Variants in PDILT observed in about 807,000 individuals in gnomAD.
The protein encoded by PDILT is protein disulfide isomerase like, testis expressed.
In PDILT, 43 loss-of-function variants were observed where a neutral mutation model predicts 53.7. That is an observed-to-expected ratio of 0.80 (90% CI 0.63 to 1.03). The LOEUF is 1.03. PDILT is among the 50% of genes least tolerant of loss of function. The pLI is 0.00. For synonymous variants in PDILT, 282 were observed against 274.2 expected, an observed-to-expected ratio of 1.03 and a Z score of -0.28; for missense variants, 727 against 712.3, an observed-to-expected ratio of 1.02 and a Z score of -0.24.
At chr16:20,371,805 A>G (rs1231554199) in intron 7 of PDILT, among the ~76,000 whole-genome samples, 1 of 152,202 alleles carries the variant, frequency 6.6e-6, no homozygotes, top group Non-Finnish European at 1.5e-5. Context: ...CAATTTAACT[A>G]TATCCAAAAA....
At chr16:20,383,399 T>C (rs1966487076) in intron 3 of PDILT, among the ~76,000 whole-genome samples, 1 of 152,146 alleles carries the variant, frequency 6.6e-6, no homozygotes, top group Admixed American at 6.5e-5. Flanking sequence ...CCCTGGTATC[T>C]ATAGGAAACA....
chr16:20,365,748 A>G (rs1966182093), intron 8 of PDILT, among the ~76,000 whole-genome samples: 1 of 152,186 alleles, frequency 6.6e-6, no homozygotes. Context: ...ACTGAGGAGC[A>G]GACAAAGCTT....
intron 1 of PDILT, among the ~76,000 whole-genome samples, chr16:20,400,299 T>A (rs981816493): frequency 7.2e-5 from 11 of 151,966 alleles, no homozygotes; most frequent in African/African-American, 2.7e-4. Flanking sequence ...GGTCTCGAAC[T>A]CCTGACCTCA....
chr16:20,379,151 C>T (rs1234386697), intron 3 of PDILT, among the ~76,000 whole-genome samples: 2 of 152,082 alleles, frequency 1.3e-5, no homozygotes, highest in Non-Finnish European at 2.9e-5. Flanking sequence ...GTAGCTGGGA[C>T]TACAGGCATG....
intron 5 of PDILT, among the ~76,000 whole-genome samples, chr16:20,374,352 T>C (rs1966351827): frequency 6.6e-6 from 1 of 152,114 alleles, no homozygotes; most frequent in South Asian, 2.1e-4. Context: ...CTTGTTTAAC[T>C]GGATGGGAGA....
At chr16:20,394,554 G>A (rs1966640605) in intron 2 of PDILT, among the ~76,000 whole-genome samples, 1 of 152,220 alleles carries the variant, frequency 6.6e-6, no homozygotes, top group African/African-American at 2.4e-5. Flanking sequence ...ATGTACACCA[G>A]TGCTTCTCAC....
chr16:20,395,152 G>A (rs541651921), intron 2 of PDILT, among the ~76,000 whole-genome samples: 1 of 152,240 alleles, frequency 6.6e-6, no homozygotes, highest in African/African-American at 2.4e-5. Context: ...CTATAACCTT[G>A]GATCTTATGG....
intron 2 of PDILT, among the ~76,000 whole-genome samples, chr16:20,387,731 C>T (rs1398084461): frequency 6.6e-6 from 1 of 151,962 alleles, no homozygotes; most frequent in East Asian, 1.9e-4. Flanking sequence ...AGTGATTCTC[C>T]TGCCTTGGCC....
chr16:20,378,380 ACTT>A (rs1402774903), intron 3 of PDILT, among the ~76,000 whole-genome samples: 3 of 151,600 alleles, frequency 2.0e-5, no homozygotes, highest in East Asian at 1.9e-4. Context: ...CACTCTAACT[ACTT>A]CTTCTTCTCC....
intron 1 of PDILT, among the ~76,000 whole-genome samples, chr16:20,400,980 A>G (rs1966733423): frequency 6.6e-6 from 1 of 152,192 alleles, no homozygotes; most frequent in Non-Finnish European, 1.5e-5. Context: ...AAATCCATGA[A>G]TTGTCATTGC....
chr16:20,386,773 A>C (rs1596593450), intron 2 of PDILT, among the ~76,000 whole-genome samples: 1 of 152,176 alleles, frequency 6.6e-6, no homozygotes, highest in East Asian at 1.9e-4. Context: ...GCTCTGGTCC[A>C]TGGGGCTCTC....
At chr16:20,366,352 C>G (rs1177931082) in intron 8 of PDILT, among the ~76,000 whole-genome samples, 1 of 152,132 alleles carries the variant, frequency 6.6e-6, no homozygotes, top group Admixed American at 6.5e-5. Context: ...CCTTCTTCAT[C>G]TGGGTAACTC....
chr16:20,373,205 C>A, intron 5 of PDILT, 83 bp from the exon 6 acceptor site: 1 of 1,187,102 alleles, frequency 8.4e-7, no homozygotes, highest in Non-Finnish European at 1.2e-6. Flanking sequence ...ACAATTTTCT[C>A]CTTGGATAAA....
intron 4 of PDILT, among the ~76,000 whole-genome samples, chr16:20,375,507 A>T (rs1207957186): frequency 6.6e-6 from 1 of 152,222 alleles, no homozygotes; most frequent in African/African-American, 2.4e-5. Flanking sequence ...TGAGAAACTC[A>T]TTCTCCTAAA....
chr16:20,368,064 T>C (rs2141707394), intron 8 of PDILT, among the ~76,000 whole-genome samples: 1 of 151,966 alleles, frequency 6.6e-6, no homozygotes, highest in African/African-American at 2.4e-5. Flanking sequence ...GTGAGGGCAA[T>C]GAGAAGGATG....
At chr16:20,385,667 T>C (rs1966524764) in intron 2 of PDILT, among the ~76,000 whole-genome samples, 1 of 151,920 alleles carries the variant, frequency 6.6e-6, no homozygotes, top group African/African-American at 2.4e-5. Context: ...ATGGGTGCAC[T>C]AAAATCTCAG....
At chr16:20,384,940 G>C (rs892896567) in intron 2 of PDILT, 89 bp from the exon 3 acceptor site, 1 of 1,306,722 alleles carries the variant, frequency 7.7e-7, no homozygotes, top group Non-Finnish European at 1.1e-6. Context: ...CTTAGCTCCC[G>C]GAACCTTTCT....
chr16:20,394,766 C>G (rs1411937631), intron 2 of PDILT, among the ~76,000 whole-genome samples: 4 of 152,220 alleles, frequency 2.6e-5, no homozygotes, highest in Non-Finnish European at 4.4e-5. Flanking sequence ...CCTCGTCTCC[C>G]TCCCACCTTG....
intron 1 of PDILT, among the ~76,000 whole-genome samples, chr16:20,403,362 T>G (rs1029863528): frequency 2.0e-5 from 3 of 152,188 alleles, no homozygotes; most frequent in Non-Finnish European, 4.4e-5. Context: ...TGATCTTGGC[T>G]CACTGCAGCC....
Sources: gnomAD v4.1 joint callset for allele counts (sites outside exome capture counted in the v4.1 genomes callset) on GRCh38, gnomAD v4.1.1 for gene constraint, MANE v1.5 for transcripts, NCBI Gene and HGNC (gene_info 2026-07-23, HGNC 2026-07-21) for gene names.